AGBL1: variants seen among roughly 807,000 people sequenced by gnomAD.
AGBL1 encodes AGBL carboxypeptidase 1.
A neutral mutation model predicts 118.9 loss-of-function variants in AGBL1; 130 were observed. The observed-to-expected ratio is 1.09, with a 90% CI of 0.95 to 1.26. The LOEUF (loss-of-function observed/expected upper bound fraction) is 1.26, where lower values mean the gene tolerates loss of function less well. Ranked by LOEUF, AGBL1 falls within the 50% of genes most tolerant of loss-of-function variation. The pLI is 0.00. For synonymous variants in AGBL1, 555 were observed against 478.9 expected (o/e 1.16, Z -2.08); for missense variants, 1,584 against 1,298.1 (o/e 1.22, Z -3.38).
chr15:86,514,178 TTATC>T (rs1012125686), intron 18 of AGBL1, among the ~76,000 whole-genome samples: 4 of 151,462 alleles, frequency 2.6e-5, no homozygotes, highest in African/African-American at 9.7e-5. Context: ...ATCTATTTCT[TTATC>T]TATCTGTAAA....
intron 17 of AGBL1, among the ~76,000 whole-genome samples, chr15:86,391,640 GTTTTTTTTTTTT>G (rs751427467): frequency 2.7e-5 from 2 of 73,784 alleles, no homozygotes; most frequent in East Asian, 4.5e-4. Flanking sequence ...GTTGTTGTTG[GTTTTTTTTTTTT>G]TTTTTTTTTT....
chr15:86,811,572 T>A (rs1398358872), intron 22 of AGBL1, among the ~76,000 whole-genome samples: 1 of 152,200 alleles, frequency 6.6e-6, no homozygotes, highest in African/African-American at 2.4e-5. Flanking sequence ...AACTCCCCTC[T>A]GTTTTATTTC....
chr15:86,702,520 A>T lies in AGBL1; in HGVS notation c.3158+28084A>T, dbSNP rs187914710. 2.3e-3 allele frequency among the ~76,000 whole-genome samples: 347 copies of T among 151,770 alleles called. 1 individual carries two copies. The highest frequency in any genetic ancestry group is 8.0e-3 in the African/African-American group (330 of 41,386). ...TCTTACCCTTTCAAAATTATACTTGACTCCTCCTTTCCCATCCACTCCCTA... is the reference window on the plus strand; with the variant it reads ...TCTTACCCTTTCAAAATTATACTTGTCTCCTCCTTTCCCATCCACTCCCTA... On this transcript the variant is annotated intron_variant, in intron 22 of 22. Coordinates refer to ENST00000614907, the MANE Select transcript of AGBL1 (RefSeq NM_001386094.1).
intron 20 of AGBL1, among the ~76,000 whole-genome samples, chr15:86,548,563 G>A (rs372005905): frequency 9.3e-4 from 141 of 152,104 alleles, no homozygotes; most frequent in African/African-American, 3.2e-3. Flanking sequence ...GCAGGGGTCT[G>A]TAACCTTCTT....
chr15:86,617,987 T>C (rs149962353), intron 21 of AGBL1, among the ~76,000 whole-genome samples: 1 of 152,296 alleles, frequency 6.6e-6, no homozygotes, highest in East Asian at 1.9e-4. Context: ...AATCATAACA[T>C]TTCTATAAGG....
At chr15:86,285,967 TATCTGATTTATAAA>T (rs1316574476) in intron 16 of AGBL1, among the ~76,000 whole-genome samples, 1 of 152,170 alleles carries the variant, frequency 6.6e-6, no homozygotes, top group Non-Finnish European at 1.5e-5. Flanking sequence ...TGCTTCCGCA[TATCTGATTTATAAA>T]ATCTAGATTT....
intron 18 of AGBL1, among the ~76,000 whole-genome samples, chr15:86,494,683 T>G (rs2082825149): frequency 6.6e-6 from 1 of 152,130 alleles, no homozygotes; most frequent in Admixed American, 6.6e-5. Context: ...TCAGCATTTT[T>G]CAGTTAGTAC....
At chr15:86,168,228 G>A (rs1213359033) in intron 5 of AGBL1, among the ~76,000 whole-genome samples, 2 of 152,152 alleles carry the variant, frequency 1.3e-5, no homozygotes, top group African/African-American at 4.8e-5. Flanking sequence ...GTGATCATGG[G>A]GGGGATATTT....
chr15:86,218,648 T>C (rs1296386157), intron 5 of AGBL1, among the ~76,000 whole-genome samples: 2 of 152,228 alleles, frequency 1.3e-5, no homozygotes, highest in African/African-American at 4.8e-5. Flanking sequence ...ATAGAAACTT[T>C]CCTCATTGAT....
chr15:86,118,583 AT>A (rs1347678076), intron 1 of AGBL1, among the ~76,000 whole-genome samples: 3 of 152,140 alleles, frequency 2.0e-5, no homozygotes, highest in Admixed American at 6.5e-5. Context: ...GGTTAAAAAT[AT>A]GCTCATAAAA....
intron 22 of AGBL1, among the ~76,000 whole-genome samples, chr15:86,675,790 C>G (rs1322687118): frequency 1.3e-5 from 2 of 152,086 alleles, no homozygotes; most frequent in Non-Finnish European, 2.9e-5. Context: ...CTTTTTCCCC[C>G]TCTCTCCTCT....
intron 17 of AGBL1, among the ~76,000 whole-genome samples, chr15:86,343,047 C>A (rs1267788426): frequency 6.6e-6 from 1 of 152,128 alleles, no homozygotes; most frequent in African/African-American, 2.4e-5. Flanking sequence ...TAGACATAGT[C>A]TTGGGGGTCA....
intron 22 of AGBL1, among the ~76,000 whole-genome samples, chr15:86,838,941 T>TAAAAAAAAAA (rs386383698): frequency 2.7e-4 from 13 of 47,994 alleles, no homozygotes; most frequent in African/African-American, 6.3e-4. Flanking sequence ...TGAGATCCTG[T>TAAAAAAAAAA]AAAAAAAAAA....
chr15:86,518,290 A>G (rs772733153), intron 18 of AGBL1, among the ~76,000 whole-genome samples: 2 of 151,590 alleles, frequency 1.3e-5, no homozygotes, highest in Non-Finnish European at 2.9e-5. Context: ...TTGTTTCCCA[A>G]CCTCTGGAGG....
chr15:86,581,503 C>G (rs944864915), intron 21 of AGBL1, among the ~76,000 whole-genome samples: 1 of 152,062 alleles, frequency 6.6e-6, no homozygotes, highest in African/African-American at 2.4e-5. Context: ...TAAAAGAGGC[C>G]ATTGCAAAAA....
chr15:86,952,116 A>G (rs2080886138), intron 23 of AGBL1, among the ~76,000 whole-genome samples: 1 of 152,050 alleles, frequency 6.6e-6, no homozygotes, highest in African/African-American at 2.4e-5. Context: ...CTGTAATCCC[A>G]GCTACTGCAG....
chr15:86,959,699 A>C (rs1473364384), intron 23 of AGBL1, among the ~76,000 whole-genome samples: 1 of 150,890 alleles, frequency 6.6e-6, no homozygotes, highest in Non-Finnish European at 1.5e-5. Context: ...CTCCTTTCTT[A>C]CTCTTTCCTT....
At chr15:86,739,030 C>T (rs941230409) in intron 22 of AGBL1, among the ~76,000 whole-genome samples, 4 of 152,040 alleles carry the variant, frequency 2.6e-5, no homozygotes, top group Admixed American at 1.3e-4. Context: ...CTTGTAGTCA[C>T]AGCTACTCAG....
intron 21 of AGBL1, chr15:86,631,064 G>T: frequency 6.5e-6 from 1 of 153,392 alleles, no homozygotes; most frequent in Non-Finnish European, 1.5e-5. Context: ...TACCTGGAAG[G>T]CCTCTTTCTC....
Sources: gnomAD v4.1 joint callset for allele counts (sites outside exome capture counted in the v4.1 genomes callset) on GRCh38, gnomAD v4.1.1 for gene constraint, MANE v1.5 for transcripts, NCBI Gene and HGNC (gene_info 2026-07-23, HGNC 2026-07-21) for gene names.